The following ZMYM4 variants were observed in gnomAD, a reference collection of about 807,000 sequenced individuals.
ZMYM4 encodes zinc finger MYM-type protein 4.
A neutral mutation model predicts 183.2 loss-of-function variants in ZMYM4; 31 were observed. The observed-to-expected ratio is 0.17, with a 90% CI of 0.13 to 0.23. The LOEUF (loss-of-function observed/expected upper bound fraction) is 0.23. Among genes scored for constraint, ZMYM4 ranks in the 10% least tolerant of loss-of-function variants. The pLI, the probability that ZMYM4 is intolerant of heterozygous loss-of-function variation, is 1.00. For missense variants in ZMYM4, 1,273 were observed against 1,840.3 expected (o/e 0.69, Z 5.64); for synonymous variants, 592 against 631.2 (o/e 0.94, Z 0.93).
Position 35,370,583 on chromosome 1 carries a change from C to T in ZMYM4, c.1137C>T (p.Arg379=). The T allele has an allele frequency of 6.2e-7, 1 of 1,611,900 alleles. No individual in the cohort carries two copies. Among genetic ancestry groups the T allele is most frequent in the Non-Finnish European group, 8.5e-7 (1 of 1,178,792 alleles). Residue 379 remains arginine (R), a synonymous_variant, in exon 7 of 30, where the codon CGC becomes CGT. Transcript: ENST00000314607. ...CLTGYTVPPA[R]PPPPLTKKTC... is the part of the protein sequence containing the mutation. ...CTGGATATACAGTTCCACCTGCCCG[C>T]CCACCGCCTCCTCTCACCAAGAAAA... is the stretch of plus-strand genomic sequence containing the variant.
intron 26 of ZMYM4, among the ~76,000 whole-genome samples, chr1:35,410,768 G>A (rs1248566142): frequency 6.6e-6 from 1 of 151,954 alleles, no homozygotes; most frequent in Non-Finnish European, 1.5e-5. Flanking sequence ...GGCTTTACTG[G>A]CATGAGCCAC....
At chr1:35,302,144 C>T (rs932617796) in intron 1 of ZMYM4, among the ~76,000 whole-genome samples, 1 of 148,680 alleles carries the variant, frequency 6.7e-6, no homozygotes, top group Non-Finnish European at 1.5e-5. Context: ...GCTCACAGGC[C>T]AAATTCTAGT....
At chr1:35,408,359 T>G (rs1639718474) in intron 26 of ZMYM4, among the ~76,000 whole-genome samples, 200 bp downstream of exon 26, 1 of 152,216 alleles carries the variant, frequency 6.6e-6, no homozygotes, top group African/African-American at 2.4e-5. Flanking sequence ...GTCCATACTG[T>G]GGAATACTGT....
chr1:35,319,472 A>G (rs1642194916), intron 1 of ZMYM4, among the ~76,000 whole-genome samples: 1 of 152,050 alleles, frequency 6.6e-6, no homozygotes. Context: ...AAATTTTAAA[A>G]AATTAGCTGG....
intron 7 of ZMYM4, among the ~76,000 whole-genome samples, chr1:35,377,692 C>T (rs897657989): frequency 6.6e-6 from 1 of 152,176 alleles, no homozygotes; most frequent in Admixed American, 6.5e-5. Context: ...GCATTGCTAA[C>T]AAATGCTAAC....
intron 1 of ZMYM4, among the ~76,000 whole-genome samples, chr1:35,320,660 C>G (rs1440649778): frequency 5.3e-5 from 8 of 152,138 alleles, no homozygotes; most frequent in Admixed American, 5.2e-4. Flanking sequence ...TGGACTGAGC[C>G]TTCAACCTGT....
chr1:35,319,600 G>GCAA (rs1197419023), intron 1 of ZMYM4, among the ~76,000 whole-genome samples: 1 of 152,044 alleles, frequency 6.6e-6, no homozygotes, highest in Non-Finnish European at 1.5e-5. Context: ...TCCAGCCTGG[G>GCAA]CAACAGAGCA....
chr1:35,323,064 A>G (rs371207558), intron 1 of ZMYM4, among the ~76,000 whole-genome samples: 2 of 150,788 alleles, frequency 1.3e-5, no homozygotes, highest in East Asian at 2.0e-4. Flanking sequence ...CAGTGGCACA[A>G]TCTCGGCTCA....
At chr1:35,372,160 A>G (rs546901967) in intron 7 of ZMYM4, among the ~76,000 whole-genome samples, 10 of 152,342 alleles carry the variant, frequency 6.6e-5, no homozygotes, top group Non-Finnish European at 1.2e-4. Flanking sequence ...TTTTATATCA[A>G]TTTTTGTTCA....
At chr1:35,298,929 C>T (rs1447639540) in intron 1 of ZMYM4, among the ~76,000 whole-genome samples, 1 of 152,072 alleles carries the variant, frequency 6.6e-6, no homozygotes, top group Non-Finnish European at 1.5e-5. Context: ...TGTCATTTTC[C>T]TTCTGCTGAG....
At chr1:35,327,215 A>G (rs1488561106) in intron 2 of ZMYM4, among the ~76,000 whole-genome samples, 2 of 152,204 alleles carry the variant, frequency 1.3e-5, no homozygotes, top group Non-Finnish European at 2.9e-5. Flanking sequence ...ATGTTATTAG[A>G]GGACCTGCTG....
At chr1:35,336,325 A>G (rs1570381050) in intron 2 of ZMYM4, among the ~76,000 whole-genome samples, 1 of 152,002 alleles carries the variant, frequency 6.6e-6, no homozygotes, top group African/African-American at 2.4e-5. Context: ...AAGGTTCATC[A>G]TGTTGAACCT....
chr1:35,308,626 A>G (rs1641657502), intron 1 of ZMYM4, among the ~76,000 whole-genome samples: 1 of 152,146 alleles, frequency 6.6e-6, no homozygotes, highest in African/African-American at 2.4e-5. Context: ...TTCGGAGGCC[A>G]AGAGGGATGA....
At chr1:35,333,256 ATTTT>A (rs60325743) in intron 2 of ZMYM4, among the ~76,000 whole-genome samples, 27 of 115,868 alleles carry the variant, frequency 2.3e-4, no homozygotes, top group Admixed American at 4.4e-4. Flanking sequence ...ATCATACATG[ATTTT>A]TTTTTTTTTT....
intron 2 of ZMYM4, among the ~76,000 whole-genome samples, chr1:35,328,902 T>C (rs1302474937): frequency 2.6e-5 from 4 of 152,124 alleles, no homozygotes; most frequent in African/African-American, 9.7e-5. Context: ...ATTAACTGTA[T>C]CTCAGGGAAC....
intron 2 of ZMYM4, among the ~76,000 whole-genome samples, chr1:35,336,072 CCATTGATCAATAAGTCCT>C (rs1334955548): frequency 6.6e-6 from 1 of 152,128 alleles, no homozygotes; most frequent in Non-Finnish European, 1.5e-5. Context: ...AACTCTGTAC[CCATTGATCAATAAGTCCT>C]CATCACCCCC....
At chr1:35,271,798 C>T (rs1267354889) in intron 1 of ZMYM4, among the ~76,000 whole-genome samples, 1 of 152,128 alleles carries the variant, frequency 6.6e-6, no homozygotes, top group African/African-American at 2.4e-5. Context: ...AGGAAAATTA[C>T]ATTCATTGAT....
At chr1:35,342,630 T>A (rs1212606933) in intron 2 of ZMYM4, among the ~76,000 whole-genome samples, 1 of 151,888 alleles carries the variant, frequency 6.6e-6, no homozygotes, top group Non-Finnish European at 1.5e-5. Flanking sequence ...CATCTTAAAA[T>A]TTGTTTGTCT....
chr1:35,361,160 A>G (rs1643927762), intron 3 of ZMYM4, 34 bp from the exon 4 acceptor site: 1 of 1,535,712 alleles, frequency 6.5e-7, no homozygotes, highest in Non-Finnish European at 8.8e-7. Flanking sequence ...ATTCATATAC[A>G]TGTGTTTGTT....
Sources: allele counts gnomAD v4.1 joint callset (sites outside exome capture counted in the v4.1 genomes callset), GRCh38; gene constraint gnomAD v4.1.1; transcripts MANE v1.5; gene names NCBI Gene and HGNC (gene_info 2026-07-23, HGNC 2026-07-21).